Variants in MCC observed in about 807,000 individuals in gnomAD.
The protein encoded by MCC is MCC regulator of Wnt signaling pathway.
In MCC, 90 loss-of-function variants were observed where a neutral mutation model predicts 116.2. That is an observed-to-expected ratio of 0.77 (90% CI 0.65 to 0.92). The LOEUF (loss-of-function observed/expected upper bound fraction) is 0.92. Among genes scored for constraint, MCC ranks in the 40% least tolerant of loss-of-function variants. MCC has a pLI of 0.00. For missense variants in MCC, 1,516 were observed against 1,312.2 expected (o/e 1.16, Z -2.40); for synonymous variants, 578 against 510.5 (o/e 1.13, Z -1.78).
chr5:113,083,234 C>T (rs1754982604), intron 10 of MCC, among the ~76,000 whole-genome samples: 1 of 151,930 alleles, frequency 6.6e-6, no homozygotes, highest in Non-Finnish European at 1.5e-5. Context: ...TGGCTCCTTC[C>T]CCAAGCACGT....
intron 3 of MCC, among the ~76,000 whole-genome samples, chr5:113,209,447 A>T (rs1002550686): frequency 6.6e-6 from 1 of 152,188 alleles, no homozygotes; most frequent in Non-Finnish European, 1.5e-5. Flanking sequence ...CCCAGCCCAT[A>T]AAGCCTACAG....
In MCC at chr5:113,271,030, A is replaced by C. The variant is rs144349950; in HGVS notation, c.627+69489T>G. 2.1e-3 allele frequency among the ~76,000 whole-genome samples: 320 copies of C among 152,308 alleles called. 1 individual carries two copies. In the Middle Eastern group the frequency reaches 0.024, roughly 11 times the overall value. On this transcript the variant is annotated intron_variant, in intron 3 of 18. Coordinates refer to ENST00000408903, the MANE Select transcript of MCC (RefSeq NM_001085377.2). ...ATTTTTCTATCAATTTACCTAGATT[A>C]AGCATTTAACCACGCCATTGATTAC... is the stretch of plus-strand genomic sequence containing the variant.
intron 11 of MCC, among the ~76,000 whole-genome samples, chr5:113,074,177 G>A (rs1367821904): frequency 1.3e-5 from 2 of 152,200 alleles, no homozygotes; most frequent in Non-Finnish European, 1.5e-5. Context: ...CCTTTGATAC[G>A]AAGCTTCCAG....
At chr5:113,085,901 G>A (rs564227420) in intron 8 of MCC, among the ~76,000 whole-genome samples, 6 of 152,238 alleles carry the variant, frequency 3.9e-5, no homozygotes, top group African/African-American at 1.4e-4. Flanking sequence ...TGTTGCCAGG[G>A]CTCGTCTTGA....
At chr5:113,256,679 A>G (rs1404956759) in intron 3 of MCC, among the ~76,000 whole-genome samples, 1 of 152,202 alleles carries the variant, frequency 6.6e-6, no homozygotes, top group Non-Finnish European at 1.5e-5. Flanking sequence ...GGACATGTTG[A>G]CCTTGGGAAG....
intron 11 of MCC, among the ~76,000 whole-genome samples, chr5:113,080,107 C>A (rs1041609536): frequency 2.0e-5 from 3 of 152,176 alleles, no homozygotes; most frequent in Non-Finnish European, 4.4e-5. Context: ...AATGAGATAC[C>A]ATCTCACACC....
Position 113,488,235 on chromosome 5 carries a change from C to T in MCC, c.170+10G>A, listed in dbSNP as rs781203458. On this transcript the variant is annotated intron_variant, in intron 1 of 18. Transcript: ENST00000408903. Reference sequence around the variant, plus strand: ...CGCTCCTGTCGGTTTCCTCGTACCTCCCCGCGTACCTGCTGATGTATCCGT... The same window carrying T: ...CGCTCCTGTCGGTTTCCTCGTACCTTCCCGCGTACCTGCTGATGTATCCGT... The T allele has an allele frequency of 2.2e-5, 35 of 1,586,264 alleles. No homozygotes were observed. Among genetic ancestry groups the T allele is most frequent in the South Asian group, 4.5e-5 (4 of 89,582 alleles).
At chr5:113,464,355 A>G (rs1052004281) in intron 1 of MCC, among the ~76,000 whole-genome samples, 1 of 152,140 alleles carries the variant, frequency 6.6e-6, no homozygotes, top group African/African-American at 2.4e-5. Context: ...TGGCCTGCTT[A>G]TTCTTTGAAT....
chr5:113,110,575 A>G (rs1757029737), intron 6 of MCC, among the ~76,000 whole-genome samples: 1 of 152,232 alleles, frequency 6.6e-6, no homozygotes, highest in Non-Finnish European at 1.5e-5. Context: ...TTCAGTTAAA[A>G]TTAAAGTTGT....
At chr5:113,333,531 G>C (rs1767751279) in intron 3 of MCC, among the ~76,000 whole-genome samples, 1 of 151,034 alleles carries the variant, frequency 6.6e-6, no homozygotes. Context: ...TTGCAAAAAA[G>C]CATTAAACAC....
At chr5:113,444,294 AG>A (rs542860839) in intron 1 of MCC, among the ~76,000 whole-genome samples, 230 of 152,292 alleles carry the variant, frequency 1.5e-3, no homozygotes, top group Non-Finnish European at 2.8e-3. Context: ...GCCTGCAAAA[AG>A]TTTTAGTTGA....
intron 3 of MCC, among the ~76,000 whole-genome samples, chr5:113,327,561 A>AATATATATATATATATATAT (rs869214073): frequency 1.2e-3 from 96 of 80,496 alleles, no homozygotes; most frequent in Middle Eastern, 6.8e-3. Flanking sequence ...AAAAAAAAAA[A>AATATATATATATATATATAT]ATATATATAT....
At chr5:113,138,226 A>C (rs906963446) in intron 5 of MCC, among the ~76,000 whole-genome samples, 3 of 152,014 alleles carry the variant, frequency 2.0e-5, no homozygotes, top group Non-Finnish European at 4.4e-5. Context: ...GGCTAGGCTG[A>C]TCTCAAACTC....
At chr5:113,286,726 C>G (rs1214310619) in intron 3 of MCC, among the ~76,000 whole-genome samples, 1 of 152,206 alleles carries the variant, frequency 6.6e-6, no homozygotes, top group African/African-American at 2.4e-5. Flanking sequence ...TAGCTGCTAA[C>G]TACAGAATTT....
chr5:113,050,587 A>G (rs6893016), intron 15 of MCC, among the ~76,000 whole-genome samples: 75,606 of 152,098 alleles, frequency 0.5, 19,129 homozygotes, highest in East Asian at 0.61. Flanking sequence ...ATCAGACATA[A>G]AAGCCAGAAT....
chr5:113,347,156 A>T (rs577318596), intron 2 of MCC, among the ~76,000 whole-genome samples: 38 of 152,280 alleles, frequency 2.5e-4, no homozygotes, highest in African/African-American at 9.1e-4. Flanking sequence ...TATAAAACTC[A>T]CTTTCAATAG....
chr5:113,071,617 G>A (rs1754049745), intron 11 of MCC, among the ~76,000 whole-genome samples: 1 of 152,200 alleles, frequency 6.6e-6, no homozygotes, highest in Non-Finnish European at 1.5e-5. Context: ...ATGCAAGGAT[G>A]AAAAGCAGCA....
intron 1 of MCC, among the ~76,000 whole-genome samples, chr5:113,444,404 T>C (rs1374311882): frequency 6.6e-6 from 1 of 152,198 alleles, no homozygotes; most frequent in Non-Finnish European, 1.5e-5. Flanking sequence ...AGGTTCTAAA[T>C]GGATCCTCCT....
intron 3 of MCC, among the ~76,000 whole-genome samples, chr5:113,271,292 C>T (rs1032633289): frequency 1.3e-5 from 2 of 152,134 alleles, no homozygotes; most frequent in Non-Finnish European, 2.9e-5. Context: ...TACCACCTAC[C>T]TAGAACACTA....
Sources: gnomAD v4.1 joint callset for allele counts (sites outside exome capture counted in the v4.1 genomes callset) on GRCh38, gnomAD v4.1.1 for gene constraint, MANE v1.5 for transcripts, NCBI Gene and HGNC (gene_info 2026-07-23, HGNC 2026-07-21) for gene names.